The following USP13 variants were observed in gnomAD, a reference collection of about 807,000 sequenced individuals.
USP13 encodes the protein ubiquitin carboxyl-terminal hydrolase 13.
Under a neutral mutation model 107.8 loss-of-function variants are expected in USP13, and 68 were observed. That is an observed-to-expected ratio of 0.63 (90% CI 0.52 to 0.77). USP13 has a LOEUF of 0.77. USP13 is among the 30% of genes least tolerant of loss of function. USP13 has a pLI of 0.00. For synonymous variants in USP13, 377 were observed against 389.5 expected (o/e 0.97, Z 0.38); for missense variants, 945 against 1,093.3 (o/e 0.86, Z 1.91).
In USP13 at chr3:179,748,259, C is replaced by T. The variant is rs191902999; in HGVS notation, c.1709+3042C>T. 6.4e-3 allele frequency among the ~76,000 whole-genome samples: 969 copies of T among 152,354 alleles called. 3 individuals carry two copies. The highest frequency in any genetic ancestry group is 0.024 in the South Asian group (114 of 4,826). On this transcript the variant is annotated intron_variant, in intron 13 of 20. Coordinates refer to ENST00000263966, the MANE Select transcript of USP13 (RefSeq NM_003940.3). Reference sequence around the variant, plus strand: ...CTCTAAATGCCTGCTATCAAGCACCCCCATATTCCTTGTCATGCTTGCTTA... The same window carrying T: ...CTCTAAATGCCTGCTATCAAGCACCTCCATATTCCTTGTCATGCTTGCTTA...
chr3:179,770,024 G>C (rs570112801), intron 19 of USP13, among the ~76,000 whole-genome samples: 1 of 152,250 alleles, frequency 6.6e-6, no homozygotes, highest in South Asian at 2.1e-4. Flanking sequence ...GTGACTTTCC[G>C]GTTTCCCCAA....
chr3:179,675,492 A>T (rs1053235252), intron 1 of USP13, among the ~76,000 whole-genome samples: 10 of 151,594 alleles, frequency 6.6e-5, no homozygotes, highest in South Asian at 2.1e-4. Flanking sequence ...TTAATATTTT[A>T]AAAAAATTTA....
chr3:179,718,802 C>T (rs1352937382), intron 6 of USP13, among the ~76,000 whole-genome samples: 10 of 151,872 alleles, frequency 6.6e-5, no homozygotes, highest in Non-Finnish European at 5.9e-5. Context: ...CTCTCTCTGT[C>T]GCCCAGGCCA....
At chr3:179,761,299 C>G in intron 17 of USP13, 44 bp downstream of exon 17, 1 of 1,609,936 alleles carries the variant, frequency 6.2e-7, no homozygotes, top group East Asian at 2.2e-5. Flanking sequence ...CTGATGTGAC[C>G]CTCAGTGATG....
At chr3:179,720,073 G>T (rs1368278651) in intron 7 of USP13, 39 bp downstream of exon 7, 2 of 1,528,854 alleles carry the variant, frequency 1.3e-6, no homozygotes, top group Admixed American at 3.5e-5. Context: ...TCTTGCATGG[G>T]GTAGGGGTGG....
intron 1 of USP13, among the ~76,000 whole-genome samples, chr3:179,655,596 C>T (rs1720235406): frequency 7.2e-6 from 1 of 138,414 alleles, no homozygotes; most frequent in Non-Finnish European, 1.5e-5. Flanking sequence ...CTCTTGTTGC[C>T]CAGGCTGGAG....
intron 13 of USP13, among the ~76,000 whole-genome samples, chr3:179,750,792 A>G (rs1309391002): frequency 1.3e-5 from 2 of 152,222 alleles, no homozygotes; most frequent in African/African-American, 4.8e-5. Flanking sequence ...AGACATGATT[A>G]GTAAGTCCAT....
intron 3 of USP13, among the ~76,000 whole-genome samples, chr3:179,694,439 T>C (rs2108467846): frequency 6.6e-6 from 1 of 152,170 alleles, no homozygotes; most frequent in Admixed American, 6.5e-5. Context: ...TCCAACCTCA[T>C]GGTCACCTTA....
rs754387935 is a variant in USP13 at position 179,765,786 on chromosome 3, C to G, written c.2351C>G (p.Ala784Gly). 12 of 1,614,006 alleles carry G rather than the reference C, an allele frequency of 7.4e-6. No individual in the cohort carries two copies. The highest frequency in any genetic ancestry group is 3.3e-4 in the Middle Eastern group (2 of 6,084). Residue 784 changes from alanine to glycine, a missense_variant, in exon 19 of 21, where the codon GCC becomes GGC. Ala to Gly is a moderately conservative substitution (Grantham distance 60). Coordinates refer to ENST00000263966, the MANE Select transcript of USP13 (RefSeq NM_003940.3). ...SDFVIEMENN[A>G]NANIISEAKP... The stretch of plus-strand genomic sequence containing the variant: ...TTTGTGATTGAGATGGAGAATAATG[C>G]CAATGCAAACATTATTTCTGAGGCC...
intron 2 of USP13, 101 bp downstream of exon 2, chr3:179,682,104 C>G (rs2108454106): frequency 7.0e-7 from 1 of 1,437,488 alleles, no homozygotes; most frequent in Non-Finnish European, 9.3e-7. Context: ...CACATAACTT[C>G]CGATTCCCTT....
At chr3:179,666,001 G>A (rs1372135222) in intron 1 of USP13, among the ~76,000 whole-genome samples, 3 of 152,296 alleles carry the variant, frequency 2.0e-5, no homozygotes, top group East Asian at 1.9e-4. Flanking sequence ...GATGGAATCC[G>A]AAGAGACAGT....
At chr3:179,777,577 C>T (rs1715592393) in intron 19 of USP13, among the ~76,000 whole-genome samples, 3 of 151,758 alleles carry the variant, frequency 2.0e-5, no homozygotes, top group Non-Finnish European at 4.4e-5. Flanking sequence ...CTCCGTCTCC[C>T]GAGTAGCTGC....
At position 179,728,361 on chromosome 3, in the gene USP13, T is replaced by C. The variant is rs1156524992; in HGVS notation, c.1089-1828T>C. 7.0e-5 allele frequency among the ~76,000 whole-genome samples: 8 copies of C among 115,016 alleles called. No homozygotes were observed. The East Asian group carries it at 1.1e-3, about 16-fold the overall frequency. The allele number at this position is 115,016 out of a possible 152,430, so 75.5% of individuals were successfully genotyped here. A position where few individuals can be genotyped will look rare whatever the true frequency, so the allele number is the denominator to read the frequency against. On this transcript the variant is annotated intron_variant, in intron 8 of 20. Coordinates refer to ENST00000263966, the MANE Select transcript of USP13 (RefSeq NM_003940.3). The stretch of plus-strand genomic sequence containing the variant: ...CCCGGACGGGGCGGCAGGGCAGAGG[T>C]GCTCCCCACATCTCAGACGATGGGC...
chr3:179,680,569 C>G (rs141639057), intron 1 of USP13, among the ~76,000 whole-genome samples: 2,290 of 152,140 alleles, frequency 0.015, 66 homozygotes, highest in African/African-American at 0.053. Context: ...TCCCCCAAGA[C>G]AGAGTCTTGC....
intron 10 of USP13, among the ~76,000 whole-genome samples, chr3:179,737,869 C>G (rs1454101034): frequency 1.3e-5 from 2 of 152,214 alleles, no homozygotes; most frequent in Non-Finnish European, 2.9e-5. Flanking sequence ...CTGCATGAAG[C>G]AGGCAGTCAC....
intron 4 of USP13, among the ~76,000 whole-genome samples, chr3:179,702,834 C>T (rs747535968): frequency 3.3e-5 from 5 of 152,146 alleles, no homozygotes; most frequent in Admixed American, 1.3e-4. Flanking sequence ...AAATTATATA[C>T]CAATGCTTAT....
chr3:179,696,153 T>C (rs574630276), intron 3 of USP13, among the ~76,000 whole-genome samples: 4 of 152,078 alleles, frequency 2.6e-5, no homozygotes, highest in Non-Finnish European at 5.9e-5. Flanking sequence ...TTCAGGGAAG[T>C]TGTGCATTGC....
At chr3:179,737,461 T>C (rs578220658) in intron 10 of USP13, among the ~76,000 whole-genome samples, 276 of 152,320 alleles carry the variant, frequency 1.8e-3, no homozygotes, top group African/African-American at 6.4e-3. Flanking sequence ...TGTTAGCCAT[T>C]ATATGAAGCT....
intron 17 of USP13, 126 bp downstream of exon 17, chr3:179,761,381 G>C: frequency 8.1e-7 from 1 of 1,238,344 alleles, no homozygotes; most frequent in South Asian, 1.6e-5. Flanking sequence ...CTAATCTCCT[G>C]CAGTGGAGGA....
Sources: gnomAD v4.1 joint callset for allele counts (sites outside exome capture counted in the v4.1 genomes callset) on GRCh38, gnomAD v4.1.1 for gene constraint, MANE v1.5 for transcripts, NCBI Gene and HGNC (gene_info 2026-07-23, HGNC 2026-07-21) for gene names.